The following RNF115 variants were observed in gnomAD, a reference collection of about 807,000 sequenced individuals.
RNF115 encodes ring finger protein 115.
RNF115 carries 31 observed loss-of-function variants against 39.2 expected under a neutral mutation model. The observed-to-expected ratio is 0.79, with a 90% confidence interval of 0.59 to 1.07. RNF115 has a LOEUF of 1.07. Among genes scored for constraint, RNF115 ranks in the 50% least tolerant of loss-of-function variants. The pLI is 0.00. For missense variants in RNF115, 384 were observed against 381.7 expected, an observed-to-expected ratio of 1.01 and a Z score of -0.05; for synonymous variants, 124 against 131.0, an observed-to-expected ratio of 0.95 and a Z score of 0.37.
Position 145,748,129 on chromosome 1 carries a change from C to G in RNF115, c.668-19G>C, listed in dbSNP as rs782381217. 1.3e-6 allele frequency: 2 copies of G among 1,552,334 alleles called. No homozygotes were observed. Among genetic ancestry groups the G allele is most frequent in the Admixed American group, 3.3e-5 (2 of 59,828 alleles). On this transcript the variant is annotated intron_variant, in intron 7 of 8. Transcript: ENST00000582693. ...CCCATATCTGTTGAAGAAGGAAATG[C>G]CTTTTAAAGTAAACAGGCAAAAGGA...
intron 1 of RNF115, among the ~76,000 whole-genome samples, chr1:145,809,528 CTT>C (rs1553722198): frequency 1.6e-5 from 1 of 62,616 alleles, no homozygotes; most frequent in African/African-American, 7.5e-5. Context: ...GACTTTCACT[CTT>C]GTTGCCCAGG....
At chr1:145,814,749 T>C (rs1297563333) in intron 1 of RNF115, among the ~76,000 whole-genome samples, 18 of 152,262 alleles carry the variant, frequency 1.2e-4, no homozygotes, top group South Asian at 2.1e-4. Context: ...AATATATACA[T>C]TTATATTTAT....
chr1:145,808,331 C>A (rs1377590535), intron 1 of RNF115, among the ~76,000 whole-genome samples: 1 of 152,150 alleles, frequency 6.6e-6, no homozygotes, highest in Admixed American at 6.5e-5. Context: ...TCCCTTTCTT[C>A]CACATTCTGG....
intron 1 of RNF115, among the ~76,000 whole-genome samples, chr1:145,813,393 A>AAGTT (rs1342009714): frequency 6.6e-6 from 1 of 152,144 alleles, no homozygotes; most frequent in Non-Finnish European, 1.5e-5. Context: ...GCAAAACTAA[A>AAGTT]AGTTAGGCTT....
chr1:145,796,245 A>G (rs1473185746), intron 1 of RNF115, among the ~76,000 whole-genome samples: 1 of 152,196 alleles, frequency 6.6e-6, no homozygotes, highest in Non-Finnish European at 1.5e-5. Context: ...CCTTCACTCT[A>G]AGAGCTCAAA....
At chr1:145,809,006 G>A (rs1444897170) in intron 1 of RNF115, among the ~76,000 whole-genome samples, 1 of 152,048 alleles carries the variant, frequency 6.6e-6, no homozygotes, top group Non-Finnish European at 1.5e-5. Context: ...TATCTGAAAG[G>A]CATGTAATTA....
rs587673851 is a variant in RNF115 at position 145,761,475 on chromosome 1, A to AAC, written c.429-8428_429-8427dup. 2.6e-4 allele frequency among the ~76,000 whole-genome samples: 40 copies of AAC among 152,364 alleles called. 1 individual carries two copies. In the South Asian group the frequency reaches 5.6e-3, roughly 21 times the overall value. On this transcript the variant is annotated intron_variant, in intron 4 of 8. Transcript: ENST00000582693. ...GCTCCAGCCATGGCTGAAAGGGGCC[A>AAC]ACATAGAGCTTGGGTTGTGGCTTCA...
intron 3 of RNF115, among the ~76,000 whole-genome samples, chr1:145,774,582 C>T (rs1647793680): frequency 6.6e-6 from 1 of 152,106 alleles, no homozygotes; most frequent in South Asian, 2.1e-4. Flanking sequence ...AACTCCTGAC[C>T]TCAAGTGATC....
intron 4 of RNF115, among the ~76,000 whole-genome samples, chr1:145,753,435 G>A (rs782530403): frequency 6.6e-6 from 1 of 151,948 alleles, no homozygotes; most frequent in Non-Finnish European, 1.5e-5. Flanking sequence ...TTTGTATGTT[G>A]TACACATTGG....
rs190053972 is a variant in RNF115, at chr1:145,786,068, G to A, written c.162-1472C>T. Among the ~76,000 whole-genome samples the A allele has an allele frequency of 9.1e-4, 138 of 152,176 alleles. 1 individual carries two copies. Among genetic ancestry groups the A allele is most frequent in the African/African-American group, 3.1e-3 (129 of 41,506 alleles). On this transcript the variant is annotated intron_variant, in intron 2 of 8. Coordinates refer to ENST00000582693, the MANE Select transcript of RNF115 (RefSeq NM_014455.4). Reference sequence around the variant, plus strand: ...TCAAACATCCTTGGTAATTGAAACCGCAACTCTTATTTTCTGGGGTTCTGC... The same window carrying A: ...TCAAACATCCTTGGTAATTGAAACCACAACTCTTATTTTCTGGGGTTCTGC...
intron 4 of RNF115, among the ~76,000 whole-genome samples, chr1:145,767,998 GA>G (rs2101522760): frequency 6.7e-6 from 1 of 150,090 alleles, no homozygotes; most frequent in East Asian, 2.4e-4. Context: ...ACCGTGGGGA[GA>G]GGGAGAGGGA....
chr1:145,814,963 C>G (rs28611263), intron 1 of RNF115, among the ~76,000 whole-genome samples: 1 of 152,184 alleles, frequency 6.6e-6, no homozygotes, highest in African/African-American at 2.4e-5. Context: ...CAACTCATAT[C>G]AATCATTCAA....
chr1:145,746,763 T>C lies in RNF115; in HGVS notation c.*103A>G. ...TTGCATTTATATTATGTGTTGAGTT[T>C]CTTACATATTCCTAAATCCATCTAC... On this transcript the variant is annotated 3_prime_UTR_variant, in exon 9 of 9. Transcript: ENST00000582693. 1 of 1,129,186 alleles carries C rather than the reference T, an allele frequency of 8.9e-7. No individual in the cohort carries two copies. Among genetic ancestry groups the C allele is most frequent in the East Asian group, 2.4e-5 (1 of 41,242 alleles). 69.9% of individuals were successfully genotyped at this position (1,129,186 alleles called of 1,614,324 possible). A position where few individuals can be genotyped will look rare whatever the true frequency, so the allele number is the denominator to read the frequency against.
intron 3 of RNF115, among the ~76,000 whole-genome samples, chr1:145,779,788 G>A (rs868984423): frequency 1.9e-4 from 29 of 151,838 alleles, no homozygotes; most frequent in African/African-American, 6.0e-4. Flanking sequence ...TCAGCCTCCC[G>A]AATAGCTGGG....
At chr1:145,770,910 G>A (rs1442611204) in intron 4 of RNF115, among the ~76,000 whole-genome samples, 5 of 152,200 alleles carry the variant, frequency 3.3e-5, no homozygotes, top group African/African-American at 1.2e-4. Flanking sequence ...TTTATTACAT[G>A]AATGTTTTTA....
At chr1:145,796,721 T>C (rs1473516658) in intron 1 of RNF115, among the ~76,000 whole-genome samples, 1 of 151,940 alleles carries the variant, frequency 6.6e-6, no homozygotes, top group East Asian at 1.9e-4. Flanking sequence ...AGTTCAGAAG[T>C]GTTAAGTATA....
chr1:145,766,002 CTTT>C (rs879951491), intron 4 of RNF115, among the ~76,000 whole-genome samples: 26 of 140,446 alleles, frequency 1.9e-4, no homozygotes, highest in African/African-American at 6.5e-4. Context: ...TACTCTTTTT[CTTT>C]TTTTTTTTTT....
In RNF115 at chr1:145,809,488, A is replaced by ATTTTT. The variant is rs781918386; in HGVS notation, c.102+14279_102+14283dup. Among the ~76,000 whole-genome samples the ATTTTT allele has an allele frequency of 7.9e-3, 366 of 46,304 alleles. 38 individuals carry two copies. Among genetic ancestry groups the ATTTTT allele is most frequent in the Middle Eastern group, 0.031 (1 of 32 alleles). 30.4% of individuals were successfully genotyped at this position (46,304 alleles called of 152,430 possible). Reference sequence around the variant, plus strand: ...GCGCCACTGCACCCAGACCCAGCTAATTTTTTTTTTTTTTTTTTTTTGGAG... The same window carrying ATTTTT: ...GCGCCACTGCACCCAGACCCAGCTAATTTTTTTTTTTTTTTTTTTTTTTTTTGGAG... On this transcript the variant is annotated intron_variant, in intron 1 of 8. Coordinates refer to ENST00000582693, the MANE Select transcript of RNF115 (RefSeq NM_014455.4).
intron 1 of RNF115, among the ~76,000 whole-genome samples, chr1:145,812,672 C>CAAAA: frequency 9.2e-6 from 1 of 108,334 alleles, no homozygotes; most frequent in African/African-American, 6.1e-5. Flanking sequence ...AAAAAAAAAC[C>CAAAA]AAAAAACAAA....
Sources: gnomAD v4.1 joint callset for allele counts (sites outside exome capture counted in the v4.1 genomes callset) on GRCh38, gnomAD v4.1.1 for gene constraint, MANE v1.5 for transcripts, NCBI Gene and HGNC (gene_info 2026-07-23, HGNC 2026-07-21) for gene names.